The following SNX16 variants were observed in gnomAD, a reference collection of about 807,000 sequenced individuals.
SNX16 encodes the protein sorting nexin 16.
A neutral mutation model predicts 36.7 loss-of-function variants in SNX16; 35 were observed. The observed-to-expected ratio is 0.95, with a 90% CI of 0.73 to 1.27. SNX16 has a LOEUF of 1.27. Among genes scored for constraint, SNX16 ranks in the 50% most tolerant of loss-of-function variants. The pLI is 0.00. For synonymous variants in SNX16, 134 were observed against 132.0 expected, an observed-to-expected ratio of 1.02 and a Z score of -0.10; for missense variants, 367 against 393.6, an observed-to-expected ratio of 0.93 and a Z score of 0.57.
intron 2 of SNX16, among the ~76,000 whole-genome samples, chr8:81,831,075 A>T (rs909519231): frequency 6.6e-6 from 1 of 152,324 alleles, no homozygotes; most frequent in Admixed American, 6.5e-5. Context: ...CAGAAAAATG[A>T]AACTGGAGCT....
intron 2 of SNX16, among the ~76,000 whole-genome samples, chr8:81,830,686 T>G (rs1811225223): frequency 6.6e-6 from 1 of 151,786 alleles, no homozygotes. Flanking sequence ...ATGGCCACAC[T>G]GCCCAAAGCA....
chr8:81,807,600 G>A (rs2130608992), intron 5 of SNX16, among the ~76,000 whole-genome samples: 1 of 143,844 alleles, frequency 7.0e-6, no homozygotes, highest in East Asian at 2.1e-4. Flanking sequence ...TAGCATAGAA[G>A]AATTACTAAT....
intron 2 of SNX16, among the ~76,000 whole-genome samples, chr8:81,833,146 T>C (rs1011254593): frequency 6.6e-6 from 1 of 151,398 alleles, no homozygotes; most frequent in Non-Finnish European, 1.5e-5. Context: ...GAATAAGATA[T>C]ATTAATAAAA....
In SNX16 at chr8:81,801,545, T is replaced by G. The variant is rs1475287027; in HGVS notation, c.987A>C (p.Val329=). 6.3e-7 allele frequency: 1 copy of G among 1,590,088 alleles called. No homozygotes were observed. The highest frequency in any genetic ancestry group is 1.4e-5 in the African/African-American group (1 of 72,604). The change falls in exon 8 of 8, where the codon GTA becomes GTC. Residue 329 remains valine (V), a synonymous_variant. Coordinates refer to ENST00000345957, the MANE Select transcript of SNX16 (RefSeq NM_152836.3). ...CCACTTCTGCTACTTCTATCTCTGA[T>G]ACAGCATTTTCAGGTTCACTAAAAC... ...CLSFSEPENA[V]SEIEVAEVAY...
Position 81,800,419 on chromosome 8 carries a change from T to C in SNX16, c.*1078A>G, listed in dbSNP as rs1356154113. ...TGACTCAAAGACCCTAGGAGACTTT[T>C]GTAGAAAGTGAAATAGTAAAGGCAC... On this transcript the variant is annotated 3_prime_UTR_variant, in exon 8 of 8. Coordinates refer to ENST00000345957, the MANE Select transcript of SNX16 (RefSeq NM_152836.3). 1 of 152,272 alleles carries C rather than the reference T, an allele frequency of 6.6e-6. No individual in the cohort carries two copies. Among genetic ancestry groups the C allele is most frequent in the Non-Finnish European group, 1.5e-5 (1 of 67,728 alleles). 9.4% of individuals were successfully genotyped at this position (152,272 alleles called of 1,614,324 possible). A position where few individuals can be genotyped will look rare whatever the true frequency, so the allele number is the denominator to read the frequency against.
chr8:81,801,625 A>T, intron 7 of SNX16, 32 bp from the exon 8 acceptor site: 1 of 1,295,032 alleles, frequency 7.7e-7, no homozygotes, highest in South Asian at 1.3e-5. Context: ...GAACATATCA[A>T]TGATGGGACT....
intron 2 of SNX16, among the ~76,000 whole-genome samples, chr8:81,837,558 T>C (rs748892453): frequency 6.6e-6 from 1 of 152,208 alleles, no homozygotes; most frequent in Non-Finnish European, 1.5e-5. Flanking sequence ...GGTTTATAGA[T>C]GGTGCCTTAT....
chr8:81,813,735 C>T (rs1024570882), intron 5 of SNX16, among the ~76,000 whole-genome samples: 6 of 151,896 alleles, frequency 4.0e-5, no homozygotes, highest in African/African-American at 1.4e-4. Flanking sequence ...ATAAGATAAA[C>T]AGCCCAGGTT....
At chr8:81,816,093 T>G (rs1810472269) in intron 4 of SNX16, among the ~76,000 whole-genome samples, 1 of 152,088 alleles carries the variant, frequency 6.6e-6, no homozygotes, top group South Asian at 2.1e-4. Context: ...GAGAGACAAC[T>G]CTATGTACAC....
intron 5 of SNX16, among the ~76,000 whole-genome samples, chr8:81,808,904 G>A (rs1042861548): frequency 4.0e-5 from 6 of 151,886 alleles, no homozygotes; most frequent in Admixed American, 1.3e-4. Flanking sequence ...CTCGAGGACT[G>A]TATTTCTGAC....
chr8:81,815,824 C>T (rs1019940347), intron 4 of SNX16: 1 of 154,572 alleles, frequency 6.5e-6, no homozygotes, highest in African/African-American at 2.4e-5. Context: ...TACTCTCAAA[C>T]AAGTTAAAGA....
At chr8:81,817,667 A>T (rs1810554449) in intron 4 of SNX16, among the ~76,000 whole-genome samples, 1 of 152,180 alleles carries the variant, frequency 6.6e-6, no homozygotes, top group South Asian at 2.1e-4. Flanking sequence ...TCAGTCAGTA[A>T]AGAAAGCAGT....
chr8:81,837,738 A>T (rs774552600), intron 2 of SNX16, among the ~76,000 whole-genome samples: 13 of 152,162 alleles, frequency 8.5e-5, no homozygotes, highest in Non-Finnish European at 1.0e-4. Flanking sequence ...TTTTGAAGGA[A>T]CGCACATTCA....
chr8:81,817,569 C>A (rs924806666), intron 4 of SNX16, among the ~76,000 whole-genome samples: 4 of 152,152 alleles, frequency 2.6e-5, no homozygotes, highest in Non-Finnish European at 5.9e-5. Context: ...TAATCAGTAG[C>A]AGAATAAAAT....
intron 5 of SNX16, among the ~76,000 whole-genome samples, chr8:81,812,843 T>C (rs1218667644): frequency 1.3e-5 from 2 of 152,006 alleles, no homozygotes; most frequent in African/African-American, 2.4e-5. Flanking sequence ...TTATAAGATA[T>C]ATGTAAAATA....
chr8:81,802,168 T>C (rs1809729761), intron 7 of SNX16, among the ~76,000 whole-genome samples: 1 of 151,732 alleles, frequency 6.6e-6, no homozygotes, highest in Non-Finnish European at 1.5e-5. Context: ...AAAACTTACA[T>C]CCTGATGTCA....
At chr8:81,810,158 A>G (rs1810169945) in intron 5 of SNX16, among the ~76,000 whole-genome samples, 1 of 152,164 alleles carries the variant, frequency 6.6e-6, no homozygotes, top group South Asian at 2.1e-4. Flanking sequence ...GCTATTCATT[A>G]ATGTTAATAC....
chr8:81,831,111 A>T, intron 2 of SNX16, among the ~76,000 whole-genome samples: 1 of 152,204 alleles, frequency 6.6e-6, no homozygotes, highest in East Asian at 1.9e-4. Context: ...TACAAAAATT[A>T]ACTCAAGATG....
chr8:81,836,396 T>C (rs1171266986), intron 2 of SNX16, among the ~76,000 whole-genome samples: 3 of 152,336 alleles, frequency 2.0e-5, no homozygotes, highest in South Asian at 2.1e-4. Context: ...ACATTACATA[T>C]GTATGTGTAC....
Sources: allele counts gnomAD v4.1 joint callset (sites outside exome capture counted in the v4.1 genomes callset), GRCh38; gene constraint gnomAD v4.1.1; transcripts MANE v1.5; gene names NCBI Gene and HGNC (gene_info 2026-07-23, HGNC 2026-07-21).